KMT2C: variants seen among roughly 807,000 people sequenced by gnomAD.
KMT2C encodes lysine methyltransferase 2C, also known as histone-lysine N-methyltransferase 2C.
A neutral mutation model predicts 507.9 loss-of-function variants in KMT2C; 88 were observed. The ratio of observed to expected loss-of-function variants is 0.17; its 90% CI spans 0.15 to 0.21. The LOEUF (loss-of-function observed/expected upper bound fraction) is 0.21, where lower values mean the gene tolerates loss of function less well. KMT2C is among the 10% of genes least tolerant of loss of function. The probability of loss-of-function intolerance (pLI) is 1.00; values close to 1 mark genes in which losing one functional copy is unlikely to be tolerated. For synonymous variants in KMT2C, 2,049 were observed against 2,080.8 expected, an observed-to-expected ratio of 0.98 and a Z score of 0.42; for missense variants, 4,954 against 5,957.8, an observed-to-expected ratio of 0.83 and a Z score of 5.55.
chr7:152,314,835 C>A (rs1353237288), intron 4 of KMT2C, among the ~76,000 whole-genome samples: 1 of 152,172 alleles, frequency 6.6e-6, no homozygotes, highest in Non-Finnish European at 1.5e-5. Context: ...ATTCCATGAA[C>A]TCCCTCCCTC....
chr7:152,300,306 G>A (rs558018799), intron 6 of KMT2C, among the ~76,000 whole-genome samples: 33 of 152,332 alleles, frequency 2.2e-4, no homozygotes, highest in African/African-American at 5.1e-4. Context: ...TGAATTTCAA[G>A]AGGGTTCCCT....
At chr7:152,225,945 T>TA (rs1372107100) in intron 18 of KMT2C, among the ~76,000 whole-genome samples, 1 of 152,172 alleles carries the variant, frequency 6.6e-6, no homozygotes, top group Non-Finnish European at 1.5e-5. Context: ...GCAGTGAACA[T>TA]TTACTGAGTC....
chr7:152,181,774 G>A lies in KMT2C; in HGVS notation c.6086C>T (p.Pro2029Leu), dbSNP rs754727782. The A allele has an allele frequency of 2.5e-6, 4 of 1,613,952 alleles. No individual in the cohort carries two copies. The highest frequency in any genetic ancestry group is 2.7e-5 in the African/African-American group (2 of 74,870). The change falls in exon 36 of 59, where the codon CCC becomes CTC. Residue 2029 changes from proline to leucine, a missense_variant. By Grantham distance (98) the Pro-to-Leu change is moderately conservative (BLOSUM62 -3). Coordinates refer to ENST00000262189, the MANE Select transcript of KMT2C (RefSeq NM_170606.3). Reference protein sequence around the residue: ...RQRIPDSYARPLLTPAPLDSG... With the variant: ...RQRIPDSYARLLLTPAPLDSG... ...ATCAAGAGGTGCAGGTGTCAACAAG[G>A]GTCGTGCATATGAGTCAGGTATCCT...
intron 12 of KMT2C, 35 bp from the exon 13 acceptor site, chr7:152,249,988 T>A (rs2129165601): frequency 7.4e-7 from 1 of 1,344,722 alleles, no homozygotes; most frequent in Non-Finnish European, 1.1e-6. Context: ...CTCTAAGGAG[T>A]CAAAATTTCT....
intron 3 of KMT2C, among the ~76,000 whole-genome samples, chr7:152,321,568 T>TA (rs2096773497): frequency 6.6e-6 from 1 of 151,828 alleles, no homozygotes; most frequent in Admixed American, 6.6e-5. Flanking sequence ...ACAAATTTGA[T>TA]AAAGTAGCAG....
chr7:152,318,107 C>T (rs1298933223), intron 3 of KMT2C, among the ~76,000 whole-genome samples: 1 of 151,974 alleles, frequency 6.6e-6, no homozygotes, highest in African/African-American at 2.4e-5. Flanking sequence ...CACTGCACTC[C>T]AGCCTAGGCG....
At chr7:152,140,136 G>A (rs1406471366) in intron 55 of KMT2C, among the ~76,000 whole-genome samples, 5 of 152,000 alleles carry the variant, frequency 3.3e-5, no homozygotes, top group Non-Finnish European at 1.5e-5. Flanking sequence ...ATTGACTTGT[G>A]GTGTTTATTT....
intron 1 of KMT2C, among the ~76,000 whole-genome samples, chr7:152,384,684 C>A (rs2097407650): frequency 1.3e-5 from 2 of 151,996 alleles, no homozygotes; most frequent in Non-Finnish European, 2.9e-5. Flanking sequence ...CAGATACTGT[C>A]CTATACAGTA....
Position 152,259,442 on chromosome 7 carries a change from A to ACGCACACACACG in KMT2C, c.1299+3573_1299+3574insCGTGTGTGTGCG, listed in dbSNP as rs1554587542. Among the ~76,000 whole-genome samples the ACGCACACACACG allele has an allele frequency of 3.5e-3, 417 of 118,052 alleles. 3 individuals are homozygous for ACGCACACACACG. The highest frequency in any genetic ancestry group is 0.015 in the African/African-American group (408 of 26,552). 77.4% of individuals were successfully genotyped at this position (118,052 alleles called of 152,430 possible). On this transcript the variant is annotated intron_variant, in intron 9 of 58. Coordinates refer to ENST00000262189, the MANE Select transcript of KMT2C (RefSeq NM_170606.3). ...TAGAGACAAAAACACAGACACACAC[A>ACGCACACACACG]CGCGCACACACACACACACACACAC...
Position 152,315,275 on chromosome 7 carries a change from T to C in KMT2C, c.453A>G (p.Lys151=), listed in dbSNP as rs2129202655. The change falls in exon 4 of 59, where the codon AAA becomes AAG. Residue 151 remains lysine (K), a synonymous_variant. Coordinates refer to ENST00000262189, the MANE Select transcript of KMT2C (RefSeq NM_170606.3). ...TAAATCCAGGCGTTATTCTGAATTG[T>C]TTTAAGTCTCCTTGTCCTAAGGAAC... The part of the protein sequence containing the change: ...EKSSLGQGDL[K]QFRITPGFIL... 6.2e-7 allele frequency: 1 copy of C among 1,614,010 alleles called. No individual in the cohort carries two copies. Among genetic ancestry groups the C allele is most frequent in the Non-Finnish European group, 8.5e-7 (1 of 1,179,924 alleles).
In KMT2C at chr7:152,136,912, A is replaced by G; in HGVS notation, c.14656T>C (p.Tyr4886His). Residue 4886 changes from tyrosine to histidine, a missense_variant, in exon 59 of 59, where the codon TAT (tyrosine) becomes CAT (histidine). By Grantham distance (83) the Tyr-to-His change is moderately conservative. Coordinates refer to ENST00000262189, the MANE Select transcript of KMT2C (RefSeq NM_170606.3). ...TGGTCATCTTCAAAGTCAAACTTAT[A>G]GTCATAGCAGAGCTGCCCACGGCAA... ...IQKGEELCYDYKFDFEDDQHK... is the reference protein window; with the variant it reads ...IQKGEELCYDHKFDFEDDQHK... 6.2e-7 allele frequency: 1 copy of G among 1,612,720 alleles called. No homozygotes were observed. The highest frequency in any genetic ancestry group is 1.3e-5 in the African/African-American group (1 of 75,052).
Position 152,162,521 on chromosome 7 carries a change from T to G in KMT2C, c.11056A>C (p.Asn3686His). 2 of 1,614,228 alleles carry G rather than the reference T, an allele frequency of 1.2e-6. No individual in the cohort carries two copies. The highest frequency in any genetic ancestry group is 1.7e-6 in the Non-Finnish European group (2 of 1,180,030). ...GGAGTTGCTTGTGAGAAATCACTAT[T>G]GGGCAGTTTGTTCTCTAATTCTGTA... ...LCTELENKLP[N>H]SDFSQATPNQ... Residue 3686 changes from asparagine to histidine, a missense_variant, in exon 43 of 59, where the codon AAT becomes CAT. This residue lies in a region of KMT2C where 801 missense variants were observed against 751.2 expected (regional missense o/e 1.07). Transcript: ENST00000262189.
chr7:152,198,682 G>A (rs568006668), intron 27 of KMT2C, among the ~76,000 whole-genome samples: 154 of 152,132 alleles, frequency 1.0e-3, no homozygotes, highest in African/African-American at 3.6e-3. Context: ...GTTCTCAACC[G>A]GGGGTGATTT....
intron 2 of KMT2C, among the ~76,000 whole-genome samples, chr7:152,350,263 T>A (rs1303182109): frequency 6.6e-6 from 1 of 152,066 alleles, no homozygotes; most frequent in Admixed American, 6.6e-5. Flanking sequence ...AAAAAATAAA[T>A]AAATAAAATA....
At chr7:152,140,821 G>A (rs2090451705) in intron 55 of KMT2C, among the ~76,000 whole-genome samples, 1 of 152,198 alleles carries the variant, frequency 6.6e-6, no homozygotes, top group Non-Finnish European at 1.5e-5. Context: ...CTCTGAACAA[G>A]CATCTTTGAT....
chr7:152,176,139 T>C lies in KMT2C; in HGVS notation c.9262+52A>G, dbSNP rs927917087. ...AATAAAATCTTATAAGCATATCGCATGCCACTCTAATACCCATAGTAATAT... is the reference window on the plus strand; with the variant it reads ...AATAAAATCTTATAAGCATATCGCACGCCACTCTAATACCCATAGTAATAT... On this transcript the variant is annotated intron_variant, in intron 38 of 58. Coordinates refer to ENST00000262189, the MANE Select transcript of KMT2C (RefSeq NM_170606.3). The C allele has an allele frequency of 3.4e-6, 5 of 1,457,000 alleles. No individual in the cohort carries two copies. In the South Asian group the frequency reaches 4.1e-5, roughly 12 times the overall value. 90.3% of individuals were successfully genotyped at this position (1,457,000 alleles called of 1,614,324 possible). A position where few individuals can be genotyped will look rare whatever the true frequency, so the allele number is the denominator to read the frequency against.
chr7:152,177,566 T>C lies in KMT2C; in HGVS notation c.7887A>G (p.Pro2629=). Residue 2629 remains proline (P), a synonymous_variant, in exon 38 of 59, where the codon CCA becomes CCG. Coordinates refer to ENST00000262189, the MANE Select transcript of KMT2C (RefSeq NM_170606.3). Reference sequence around the variant, plus strand: ...AATGACCTTGCTCTTGTTGAGATGGTGGCACTTGTTCCAAATCTGGGTGCA... The same window carrying C: ...AATGACCTTGCTCTTGTTGAGATGGCGGCACTTGTTCCAAATCTGGGTGCA... The part of the protein sequence containing the change: ...LPVHPDLEQV[P]PSQQEQGHSV... 1 of 1,614,232 alleles carries C rather than the reference T, an allele frequency of 6.2e-7. No individual in the cohort carries two copies. The highest frequency in any genetic ancestry group is 1.6e-4 in the Middle Eastern group (1 of 6,062).
chr7:152,417,659 T>C (rs1342083722), intron 1 of KMT2C, among the ~76,000 whole-genome samples: 2 of 152,114 alleles, frequency 1.3e-5, no homozygotes, highest in African/African-American at 4.8e-5. Context: ...TTGTTGTTGT[T>C]GAGACGGAGT....
chr7:152,160,505 A>G (rs2092381622), intron 43 of KMT2C, among the ~76,000 whole-genome samples: 1 of 152,064 alleles, frequency 6.6e-6, no homozygotes, highest in Non-Finnish European at 1.5e-5. Context: ...CATTCTGAGA[A>G]GCAGGTGTGT....
Sources: allele counts gnomAD v4.1 joint callset (sites outside exome capture counted in the v4.1 genomes callset), GRCh38; gene constraint gnomAD v4.1.1; regional missense constraint gnomAD v4.1.1; transcripts MANE v1.5; gene names NCBI Gene and HGNC (gene_info 2026-07-23, HGNC 2026-07-21).